KIAA2012: variants seen among roughly 807,000 people sequenced by gnomAD.
KIAA2012 encodes KIAA2012.
In KIAA2012, 125 loss-of-function variants were observed where a neutral mutation model predicts 150.6. That is an observed-to-expected ratio of 0.83 (90% CI 0.72 to 0.96). KIAA2012 has a LOEUF of 0.96. Ranked by LOEUF, KIAA2012 falls within the 40% of genes least tolerant of loss-of-function variation. The probability of loss-of-function intolerance (pLI) is 0.00; values close to 1 mark genes in which losing one functional copy is unlikely to be tolerated. For missense variants in KIAA2012, 1,219 were observed against 1,354.9 expected (o/e 0.90, Z 1.57); for synonymous variants, 462 against 504.7 (o/e 0.92, Z 1.13).
intron 22 of KIAA2012, among the ~76,000 whole-genome samples, chr2:202,198,174 C>CAAAAAAAAA (rs1009971980): frequency 4.5e-5 from 3 of 67,134 alleles, no homozygotes; most frequent in African/African-American, 6.0e-5. Flanking sequence ...GGCTCTTTCT[C>CAAAAAAAAA]AAAAAAAAAA....
In KIAA2012 at chr2:202,190,358, C is replaced by A. The variant is rs1692303366; in HGVS notation, c.2676C>A (p.Asp892Glu). 6.4e-7 allele frequency: 1 copy of A among 1,550,588 alleles called. No individual in the cohort carries two copies. Among genetic ancestry groups the A allele is most frequent in the African/African-American group, 1.4e-5 (1 of 73,118 alleles). ...GSFASDSFVE[D>E]PWLSPKYDAQ... Reference sequence around the variant, plus strand: ...TTGCCTCAGACTCCTTTGTAGAGGACCCTTGGCTTTCTCCCAAATATGATG... The same window carrying A: ...TTGCCTCAGACTCCTTTGTAGAGGAACCTTGGCTTTCTCCCAAATATGATG... Residue 892 changes from aspartate to glutamate, a missense_variant, in exon 19 of 24, where the codon GAC becomes GAA. Transcript: ENST00000498697.
chr2:202,204,549 CT>C (rs577499192), intron 23 of KIAA2012, among the ~76,000 whole-genome samples: 157 of 152,296 alleles, frequency 1.0e-3, no homozygotes, highest in African/African-American at 3.6e-3. Context: ...CTACTCTATA[CT>C]TAACTGTCCA....
At chr2:202,076,777 G>A (rs759679225) in intron 2 of KIAA2012, among the ~76,000 whole-genome samples, 2 of 152,102 alleles carry the variant, frequency 1.3e-5, no homozygotes, top group Middle Eastern at 3.2e-3. Flanking sequence ...TTGTGGACTC[G>A]AAGGGACTCC....
intron 22 of KIAA2012, among the ~76,000 whole-genome samples, chr2:202,199,966 CTG>C (rs1692485865): frequency 8.7e-6 from 1 of 114,952 alleles, no homozygotes; most frequent in Admixed American, 1.2e-4. Context: ...GAGTCTCACT[CTG>C]TTGCCAGGCT....
At chr2:202,091,979 C>T (rs530789499) in intron 3 of KIAA2012, among the ~76,000 whole-genome samples, 1 of 152,184 alleles carries the variant, frequency 6.6e-6, no homozygotes, top group Non-Finnish European at 1.5e-5. Context: ...TAGGCAGTTC[C>T]ATTTATTTGA....
chr2:202,131,481 A>C (rs1690926989), intron 12 of KIAA2012, among the ~76,000 whole-genome samples: 1 of 152,212 alleles, frequency 6.6e-6, no homozygotes. Flanking sequence ...TTGCTCATTC[A>C]TTTATTCAAC....
chr2:202,145,195 T>A (rs1334547212), intron 13 of KIAA2012, among the ~76,000 whole-genome samples: 2 of 152,212 alleles, frequency 1.3e-5, no homozygotes, highest in Non-Finnish European at 2.9e-5. Context: ...GTTTCTAAAG[T>A]CAGCTGTCTT....
At chr2:202,093,624 A>G (rs1689790373) in intron 4 of KIAA2012, among the ~76,000 whole-genome samples, 1 of 152,274 alleles carries the variant, frequency 6.6e-6, no homozygotes, top group African/African-American at 2.4e-5. Context: ...TGTGAAATAT[A>G]TATATAGGAT....
intron 15 of KIAA2012, among the ~76,000 whole-genome samples, chr2:202,166,010 T>C (rs1390074433): frequency 1.3e-5 from 2 of 152,196 alleles, no homozygotes; most frequent in Non-Finnish European, 2.9e-5. Flanking sequence ...CATGCTCCAG[T>C]CTTCAGGTCT....
chr2:202,160,438 C>T (rs1691627306), intron 14 of KIAA2012, among the ~76,000 whole-genome samples: 3 of 151,808 alleles, frequency 2.0e-5, no homozygotes, highest in Admixed American at 2.0e-4. Flanking sequence ...CTCAGCCTCC[C>T]AAGTAGCTGG....
chr2:202,097,269 C>G lies in KIAA2012; in HGVS notation c.686-166C>G, dbSNP rs374089925. Among the ~76,000 whole-genome samples, 41 of 152,336 alleles carry G rather than the reference C, an allele frequency of 2.7e-4. No individual in the cohort carries two copies. In the South Asian group the frequency reaches 8.1e-3, roughly 30 times the overall value. ...TCTGTTTCCACAGACCTGGCTGCCA[C>G]TTCCGAGGAGGCACTATCAGAAATA... On this transcript the variant is annotated intron_variant, in intron 4 of 23. Transcript: ENST00000498697.
Position 202,090,921 on chromosome 2 carries a change from G to A in KIAA2012, c.521G>A (p.Trp174Ter), listed in dbSNP as rs1260537927. ...CCCCCAGACGCCATGTATAGGCTCT[G>A]GTGCGCAGGTCAGTGGGGAAATGGG... ...TWPPDAMYRLWCAGYIKDSVL... is the reference protein window; with the variant it reads ...TWPPDAMYRL Residue 174 changes from tryptophan (W) to a stop codon, truncating the protein, a stop_gained, in exon 3 of 24, where the codon TGG (tryptophan) becomes TAG (stop). Transcript: ENST00000498697. LOFTEE classifies it high-confidence loss of function. 1 of 1,547,730 alleles carries A rather than the reference G, an allele frequency of 6.5e-7. No homozygotes were observed. Among genetic ancestry groups the A allele is most frequent in the Admixed American group, 2.0e-5 (1 of 50,890 alleles).
chr2:202,201,696 C>T (rs10931992), intron 22 of KIAA2012: 403,414 of 1,599,798 alleles, frequency 0.25, 54,682 homozygotes, highest in East Asian at 0.62. Context: ...TCCAGGAAAG[C>T]GGCCGACATG....
chr2:202,186,373 G>A (rs774917135), intron 16 of KIAA2012, among the ~76,000 whole-genome samples: 3 of 152,150 alleles, frequency 2.0e-5, no homozygotes, highest in Admixed American at 6.5e-5. Flanking sequence ...TTAGCCGGAC[G>A]TGGTGGTGGG....
At position 202,132,802 on chromosome 2, in the gene KIAA2012, A is replaced by ATATAT. The variant is rs1473790947; in HGVS notation, c.1832-5629_1832-5628insATATT. Among the ~76,000 whole-genome samples, 175 of 94,686 alleles carry ATATAT rather than the reference A, an allele frequency of 1.8e-3. 3 individuals carry two copies. The highest frequency in any genetic ancestry group is 5.9e-3 in the African/African-American group (164 of 27,630). The allele number at this position is 94,686 out of a possible 152,430, so 62.1% of individuals were successfully genotyped here. On this transcript the variant is annotated intron_variant, in intron 12 of 23. Transcript: ENST00000498697. Reference sequence around the variant, plus strand: ...TATATATATGCGTATATATATATATATTTTTTTTTTCAGGCCAGGCACAGT... The same window carrying ATATAT: ...TATATATATGCGTATATATATATATATATATTTTTTTTTTTCAGGCCAGGCACAGT...
At chr2:202,165,155 C>T (rs185198135) in intron 14 of KIAA2012, 129 bp from the exon 15 acceptor site, 22 of 817,072 alleles carry the variant, frequency 2.7e-5, no homozygotes, top group African/African-American at 1.7e-4. Context: ...AAAAAGTTGA[C>T]GAAGAAGGAG....
intron 13 of KIAA2012, among the ~76,000 whole-genome samples, chr2:202,147,669 C>A (rs1165127610): frequency 1.3e-5 from 2 of 152,040 alleles, no homozygotes; most frequent in Non-Finnish European, 2.9e-5. Flanking sequence ...TAGTAAAAAT[C>A]GACTGATTTA....
At position 202,073,614 on chromosome 2, in the gene KIAA2012, G is replaced by C. The variant is rs1338911828; in HGVS notation, c.-14G>C. Reference sequence around the variant, plus strand: ...AGATGGACTGCCCTTGAGAAGGGGTGGTCAGAGGGAAACATGTTCACGCTC... The same window carrying C: ...AGATGGACTGCCCTTGAGAAGGGGTCGTCAGAGGGAAACATGTTCACGCTC... On this transcript the variant is annotated 5_prime_UTR_variant, in exon 1 of 24. Coordinates refer to ENST00000498697, the MANE Select transcript of KIAA2012 (RefSeq NM_001277372.4). 15 of 1,549,576 alleles carry C rather than the reference G, an allele frequency of 9.7e-6. No homozygotes were observed. The highest frequency in any genetic ancestry group is 1.2e-5 in the Non-Finnish European group (14 of 1,146,578).
At chr2:202,195,204 T>C (rs557091456) in intron 21 of KIAA2012, among the ~76,000 whole-genome samples, 2 of 152,210 alleles carry the variant, frequency 1.3e-5, no homozygotes, top group African/African-American at 4.8e-5. Flanking sequence ...CATTCATCAT[T>C]TGTGTTGGGA....
Sources: gnomAD v4.1 joint callset for allele counts (sites outside exome capture counted in the v4.1 genomes callset) on GRCh38, gnomAD v4.1.1 for gene constraint, MANE v1.5 for transcripts, NCBI Gene and HGNC (gene_info 2026-07-23, HGNC 2026-07-21) for gene names.